STRN: variants seen among roughly 807,000 people sequenced by gnomAD.
STRN encodes protein phosphatase 2 regulatory subunit B'''alpha.
Under a neutral mutation model 96.3 loss-of-function variants are expected in STRN, and 53 were observed. The observed-to-expected ratio is 0.55, with a 90% confidence interval of 0.44 to 0.69. The LOEUF (loss-of-function observed/expected upper bound fraction) is 0.69, where lower values mean the gene tolerates loss of function less well. Among genes scored for constraint, STRN ranks in the 30% least tolerant of loss-of-function variants. The pLI is 0.00. For synonymous variants in STRN, 428 were observed against 355.9 expected, an observed-to-expected ratio of 1.20 and a Z score of -2.28; for missense variants, 987 against 963.9, an observed-to-expected ratio of 1.02 and a Z score of -0.32.
At chr2:36,961,256 A>G (rs527314951) in intron 1 of STRN, among the ~76,000 whole-genome samples, 1 of 150,206 alleles carries the variant, frequency 6.7e-6, no homozygotes, top group African/African-American at 2.5e-5. Context: ...CCTCCCAAGT[A>G]GCTGGGACTA....
At chr2:36,929,126 C>T (rs1670500894) in intron 1 of STRN, among the ~76,000 whole-genome samples, 1 of 151,986 alleles carries the variant, frequency 6.6e-6, no homozygotes. Flanking sequence ...ACGTATTTTT[C>T]ACAGTATAGA....
At chr2:36,904,815 G>A (rs1178162926) in intron 4 of STRN, among the ~76,000 whole-genome samples, 1 of 152,082 alleles carries the variant, frequency 6.6e-6, no homozygotes, top group African/African-American at 2.4e-5. Flanking sequence ...GCGACAGAGT[G>A]AGACTCCATC....
intron 1 of STRN, among the ~76,000 whole-genome samples, chr2:36,950,342 A>AG (rs1285521719): frequency 6.6e-6 from 1 of 150,460 alleles, no homozygotes; most frequent in Non-Finnish European, 1.5e-5. Flanking sequence ...CAGCCTCCTG[A>AG]GTAGCTGGGA....
chr2:36,898,710 C>A (rs1478549621), intron 6 of STRN, among the ~76,000 whole-genome samples: 2 of 152,146 alleles, frequency 1.3e-5, no homozygotes, highest in African/African-American at 4.8e-5. Context: ...GGAGCTTAAA[C>A]CCAAGTCTTT....
At chr2:36,950,783 T>A (rs989597181) in intron 1 of STRN, among the ~76,000 whole-genome samples, 2 of 152,218 alleles carry the variant, frequency 1.3e-5, no homozygotes, top group Admixed American at 1.3e-4. Context: ...GGAACTTGCA[T>A]ATTTTAGCCT....
intron 13 of STRN, among the ~76,000 whole-genome samples, chr2:36,860,234 GAAACTAAAATGAATA>G (rs1668441871): frequency 6.6e-6 from 1 of 152,152 alleles, no homozygotes; most frequent in South Asian, 2.1e-4. Context: ...AGTCACAAAA[GAAACTAAAATGAATA>G]AAGTCAAAAT....
chr2:36,953,899 T>G (rs1050252748), intron 1 of STRN, among the ~76,000 whole-genome samples: 2 of 152,050 alleles, frequency 1.3e-5, no homozygotes, highest in African/African-American at 4.8e-5. Flanking sequence ...TGGAGGCTGA[T>G]GCAGGAGGAT....
chr2:36,860,641 G>C (rs1336030097), intron 13 of STRN, among the ~76,000 whole-genome samples: 1 of 152,104 alleles, frequency 6.6e-6, no homozygotes, highest in Admixed American at 6.5e-5. Flanking sequence ...GTATGGTATT[G>C]TTCCCAAAAC....
intron 1 of STRN, among the ~76,000 whole-genome samples, chr2:36,956,271 C>T (rs1558669324): frequency 6.6e-6 from 1 of 152,202 alleles, no homozygotes; most frequent in South Asian, 2.1e-4. Flanking sequence ...GGACACCCAT[C>T]ATATATCACA....
intron 1 of STRN, among the ~76,000 whole-genome samples, chr2:36,930,943 G>A (rs998557667): frequency 6.6e-6 from 1 of 151,740 alleles, no homozygotes; most frequent in Non-Finnish European, 1.5e-5. Flanking sequence ...TCAGGCAGGA[G>A]AACTGCTTGA....
At chr2:36,957,129 G>C (rs952083249) in intron 1 of STRN, among the ~76,000 whole-genome samples, 4 of 152,162 alleles carry the variant, frequency 2.6e-5, no homozygotes, top group Non-Finnish European at 4.4e-5. Flanking sequence ...TACCCCTCCA[G>C]AGTGGACAGT....
At chr2:36,861,383 A>G in intron 12 of STRN, 130 bp from the exon 13 acceptor site, 1 of 1,193,962 alleles carries the variant, frequency 8.4e-7, no homozygotes, top group Non-Finnish European at 1.2e-6. Context: ...ATGAAAACAC[A>G]GGTACTATCA....
intron 2 of STRN, among the ~76,000 whole-genome samples, chr2:36,919,159 T>C (rs1365539107): frequency 6.6e-6 from 1 of 152,190 alleles, no homozygotes; most frequent in Non-Finnish European, 1.5e-5. Context: ...TTCCTATGAT[T>C]TACAGGCACT....
intron 8 of STRN, among the ~76,000 whole-genome samples, chr2:36,885,027 C>T (rs1238797571): frequency 2.0e-5 from 3 of 152,020 alleles, no homozygotes; most frequent in Non-Finnish European, 2.9e-5. Context: ...AAATTTCTCC[C>T]TTACAGTGTC....
intron 7 of STRN, among the ~76,000 whole-genome samples, chr2:36,892,258 T>C (rs1365624150): frequency 1.3e-5 from 2 of 152,182 alleles, no homozygotes; most frequent in African/African-American, 2.4e-5. Flanking sequence ...CTGGGACTAC[T>C]AGAGGCAGGA....
At chr2:36,927,311 T>C (rs565348473) in intron 1 of STRN, among the ~76,000 whole-genome samples, 3 of 151,496 alleles carry the variant, frequency 2.0e-5, no homozygotes, top group African/African-American at 7.3e-5. Context: ...AGTTTGAGCC[T>C]AGCCTGTGCA....
intron 10 of STRN, among the ~76,000 whole-genome samples, chr2:36,873,055 G>A (rs10183543): frequency 0.14 from 5,446 of 37,726 alleles, 179 homozygotes; most frequent in Non-Finnish European, 0.19. Flanking sequence ...AACCTGCCAC[G>A]ACAGTGGGGC....
intron 1 of STRN, among the ~76,000 whole-genome samples, chr2:36,939,843 T>C (rs1030589395): frequency 3.9e-5 from 6 of 152,256 alleles, no homozygotes; most frequent in Non-Finnish European, 7.4e-5. Flanking sequence ...GTATATTAAA[T>C]CAAAAGTCAT....
chr2:36,868,569 T>C (rs1162243988), intron 11 of STRN, among the ~76,000 whole-genome samples: 1 of 152,246 alleles, frequency 6.6e-6, no homozygotes, highest in African/African-American at 2.4e-5. Flanking sequence ...ATAGACATGT[T>C]ATCTCACAAT....
Sources: allele counts gnomAD v4.1 joint callset (sites outside exome capture counted in the v4.1 genomes callset), GRCh38; gene constraint gnomAD v4.1.1; transcripts MANE v1.5; gene names NCBI Gene and HGNC (gene_info 2026-07-23, HGNC 2026-07-21).